IARS1: variants seen among roughly 807,000 people sequenced by gnomAD.
IARS1 encodes isoleucine--tRNA ligase, cytoplasmic.
A neutral mutation model predicts 168.2 loss-of-function variants in IARS1; 124 were observed. The ratio of observed to expected loss-of-function variants is 0.74; its 90% CI spans 0.64 to 0.86. The LOEUF (loss-of-function observed/expected upper bound fraction) is 0.86, where lower values mean the gene tolerates loss of function less well. Among genes scored for constraint, IARS1 ranks in the 40% least tolerant of loss-of-function variants. IARS1 has a pLI of 0.00. For synonymous variants in IARS1, 532 were observed against 529.4 expected (o/e 1.00, Z -0.07); for missense variants, 1,452 against 1,515.8 (o/e 0.96, Z 0.70).
At chr9:92,243,195 A>T in intron 28 of IARS1, 21 bp downstream of exon 28, 6 of 1,591,776 alleles carry the variant, frequency 3.8e-6, no homozygotes, top group Non-Finnish European at 5.2e-6. Flanking sequence ...ACAGTAGCTT[A>T]TTCTTAACTG....
intron 30 of IARS1, among the ~76,000 whole-genome samples, chr9:92,229,556 G>T (rs950589581): frequency 1.4e-4 from 21 of 151,942 alleles, no homozygotes; most frequent in African/African-American, 4.8e-4. Context: ...ATTCCCACAG[G>T]TCACGATGGT....
rs182611537 is a variant in IARS1 at position 92,280,721 on chromosome 9, C to T, written c.745+25G>A. ...ATAAAATTATCTTATCCATATTAAT[C>T]ATAAGTAACCAGCCTCCCACTTACC... On this transcript the variant is annotated intron_variant, in intron 7 of 33. Transcript: ENST00000443024. 6.5e-6 allele frequency: 10 copies of T among 1,531,092 alleles called. No homozygotes were observed. The Admixed American group carries it at 9.2e-5, about 14-fold the overall frequency. 94.8% of individuals were successfully genotyped at this position (1,531,092 alleles called of 1,614,324 possible).
intron 2 of IARS1, 66 bp downstream of exon 2, chr9:92,289,235 C>G: frequency 8.5e-6 from 5 of 588,760 alleles, no homozygotes; most frequent in Non-Finnish European, 1.6e-5. Context: ...AAAGTATCTG[C>G]TTTAATGGAA....
intron 6 of IARS1, among the ~76,000 whole-genome samples, chr9:92,284,748 G>A (rs1317604300): frequency 2.0e-5 from 3 of 152,130 alleles, no homozygotes; most frequent in South Asian, 2.1e-4. Context: ...TAGCCTGGGC[G>A]ACAGAGCAAG....
intron 26 of IARS1, among the ~76,000 whole-genome samples, chr9:92,246,109 C>T (rs9409466): frequency 0.14 from 21,795 of 152,122 alleles, 1,840 homozygotes; most frequent in South Asian, 0.29. Context: ...GGCTATCTGG[C>T]GAACAATTTA....
At chr9:92,282,855 TA>T (rs1402938969) in intron 6 of IARS1, among the ~76,000 whole-genome samples, 411 of 143,256 alleles carry the variant, frequency 2.9e-3, no homozygotes, top group African/African-American at 9.9e-3. Flanking sequence ...TATATATATA[TA>T]TATATTTTTT....
rs10992290 is a variant in IARS1, at chr9:92,263,664, C to T, written c.1701-609G>A. On this transcript the variant is annotated intron_variant, in intron 16 of 33. Transcript: ENST00000443024. The stretch of plus-strand genomic sequence containing the variant: ...GACCAGACCCCATAGTTAACATAAA[C>T]ACTGATCCAGATATCCCTCCCACTT... Among the ~76,000 whole-genome samples the T allele has an allele frequency of 0.02, 3,114 of 152,240 alleles. 188 individuals carry two copies. In the East Asian group the frequency reaches 0.24, roughly 12 times the overall value.
chr9:92,211,091 A>G (rs1837668344), intron 33 of IARS1, among the ~76,000 whole-genome samples: 1 of 152,172 alleles, frequency 6.6e-6, no homozygotes, highest in South Asian at 2.1e-4. Flanking sequence ...GGGTATGTTC[A>G]CCAAACCTGA....
At chr9:92,271,135 T>C in intron 11 of IARS1, 59 bp from the exon 12 acceptor site, 1 of 992,494 alleles carries the variant, frequency 1.0e-6, no homozygotes, top group Non-Finnish European at 1.5e-6. Flanking sequence ...AGGAACAATA[T>C]ATTACTAGAA....
chr9:92,259,761 C>T (rs1831250379), intron 18 of IARS1, among the ~76,000 whole-genome samples: 1 of 152,126 alleles, frequency 6.6e-6, no homozygotes, highest in African/African-American at 2.4e-5. Context: ...TTTATCACCT[C>T]TAGCATAGAT....
At chr9:92,271,226 A>G in intron 11 of IARS1, 150 bp from the exon 12 acceptor site, 1 of 611,862 alleles carries the variant, frequency 1.6e-6, no homozygotes, top group South Asian at 2.8e-5. Flanking sequence ...AGTAATTTTC[A>G]AGTACATTCC....
intron 28 of IARS1, 40 bp downstream of exon 28, chr9:92,243,163 CCAAAACAAACAAA>C: frequency 1.5e-6 from 2 of 1,362,912 alleles, no homozygotes; most frequent in Non-Finnish European, 2.1e-6. Flanking sequence ...CTCCAAACAA[CCAAAACAAACAAA>C]AAGCCAAAAC....
intron 33 of IARS1, among the ~76,000 whole-genome samples, chr9:92,220,560 C>G (rs1041729357): frequency 6.6e-6 from 1 of 151,850 alleles, no homozygotes; most frequent in Non-Finnish European, 1.5e-5. Context: ...GAGGTTGCAA[C>G]GAGCTGGGAT....
rs1338719221 is a variant in IARS1 at position 92,278,192 on chromosome 9, TA to T, written c.833+6del. ...CACAAACACAGAGCAACTATTTGAA[TA>T]TTCACCTTTCAAGGATCTCATAGTC... is the stretch of plus-strand genomic sequence containing the variant. On this transcript the variant is annotated splice_donor_region_variant and intron_variant, in intron 8 of 33. Coordinates refer to ENST00000443024, the MANE Select transcript of IARS1 (RefSeq NM_002161.6). 3 of 1,539,152 alleles carry T rather than the reference TA, an allele frequency of 1.9e-6. No individual in the cohort carries two copies. The highest frequency in any genetic ancestry group is 2.2e-5 in the South Asian group (2 of 89,566).
intron 20 of IARS1, among the ~76,000 whole-genome samples, chr9:92,254,508 C>T (rs1830450987): frequency 6.6e-6 from 1 of 152,194 alleles, no homozygotes; most frequent in Non-Finnish European, 1.5e-5. Flanking sequence ...TTCACAAAGA[C>T]CAGAACTCAG....
intron 20 of IARS1, chr9:92,256,373 G>T: frequency 6.4e-6 from 1 of 155,972 alleles, no homozygotes; most frequent in Non-Finnish European, 1.4e-5. Flanking sequence ...ATTTTTAGTA[G>T]AGACAGGGTT....
intron 4 of IARS1, among the ~76,000 whole-genome samples, chr9:92,286,972 A>C (rs1365236187): frequency 1.3e-5 from 2 of 152,244 alleles, no homozygotes; most frequent in African/African-American, 4.8e-5. Context: ...TTTGGAAAGA[A>C]TCTCCCCACA....
intron 30 of IARS1, among the ~76,000 whole-genome samples, chr9:92,236,508 G>A (rs1005153372): frequency 4.6e-5 from 7 of 152,134 alleles, no homozygotes; most frequent in African/African-American, 1.7e-4. Context: ...AAAATTATCT[G>A]TTTGATATTG....
chr9:92,235,097 A>G (rs191333618), intron 30 of IARS1, among the ~76,000 whole-genome samples: 16 of 152,180 alleles, frequency 1.1e-4, no homozygotes, highest in Admixed American at 2.0e-4. Flanking sequence ...TTAGCTCCCA[A>G]AGTGGGATTA....
Sources: gnomAD v4.1 joint callset for allele counts (sites outside exome capture counted in the v4.1 genomes callset) on GRCh38, gnomAD v4.1.1 for gene constraint, MANE v1.5 for transcripts, NCBI Gene and HGNC (gene_info 2026-07-23, HGNC 2026-07-21) for gene names.